CUX1: variants seen among roughly 807,000 people sequenced by gnomAD.
CUX1 encodes cut like homeobox 1, also known as protein CASP.
A neutral mutation model predicts 158.8 loss-of-function variants in CUX1; 31 were observed. The observed-to-expected ratio is 0.20, with a 90% CI of 0.15 to 0.26. CUX1 has a LOEUF of 0.26. Ranked by LOEUF, CUX1 falls within the 10% of genes least tolerant of loss-of-function variation. The probability of loss-of-function intolerance (pLI) is 1.00; values close to 1 mark genes in which losing one functional copy is unlikely to be tolerated. For synonymous variants in CUX1, 879 were observed against 862.1 expected, an observed-to-expected ratio of 1.02 and a Z score of -0.34; for missense variants, 1,589 against 2,014.6, an observed-to-expected ratio of 0.79 and a Z score of 4.04.
rs181327594 is a variant in CUX1 at position 102,049,152 on chromosome 7, G to A, written c.189+21007G>A. Among the ~76,000 whole-genome samples the A allele has an allele frequency of 3.8e-3, 584 of 152,296 alleles. 2 individuals are homozygous for A. The highest frequency in any genetic ancestry group is 5.6e-3 in the Non-Finnish European group (384 of 68,032). On this transcript the variant is annotated intron_variant, in intron 3 of 23. Coordinates refer to ENST00000292535, the MANE Select transcript of CUX1 (RefSeq NM_181552.4). ...ACACAGTACTGGGGGCAGGAGCTGG[G>A]AAAGGCCTGCCATGGTTCACTGATA...
rs367952886 is a variant in CUX1, at chr7:102,099,737, G to A, written c.406+2236G>A. On this transcript the variant is annotated intron_variant, in intron 5 of 23. Coordinates refer to ENST00000292535, the MANE Select transcript of CUX1 (RefSeq NM_181552.4). ...TACCACCGTGCCCAGCCTCTTTCTG[G>A]CTTATTTTATTTTTTTGAGTTTGCT... Among the ~76,000 whole-genome samples, 34 of 152,008 alleles carry A rather than the reference G, an allele frequency of 2.2e-4. No individual in the cohort carries two copies. In the East Asian group the frequency reaches 2.5e-3, roughly 11 times the overall value.
At chr7:101,938,258 G>A (rs978953256) in intron 2 of CUX1, among the ~76,000 whole-genome samples, 2 of 151,940 alleles carry the variant, frequency 1.3e-5, no homozygotes, top group African/African-American at 2.4e-5. Context: ...GACCACAGGC[G>A]TGTGCCACCA....
chr7:101,967,528 G>T (rs557761788), intron 2 of CUX1, among the ~76,000 whole-genome samples: 1 of 152,126 alleles, frequency 6.6e-6, no homozygotes, highest in African/African-American at 2.4e-5. Context: ...AAATTCTTTC[G>T]CAAATAATGG....
intron 1 of CUX1, among the ~76,000 whole-genome samples, chr7:101,826,195 G>T (rs903388789): frequency 6.7e-6 from 1 of 150,264 alleles, no homozygotes; most frequent in African/African-American, 2.4e-5. Context: ...GAATTTTTTT[G>T]TTTTTTTTTG....
chr7:101,843,458 T>G (rs1240357137), intron 1 of CUX1, among the ~76,000 whole-genome samples: 1 of 152,246 alleles, frequency 6.6e-6, no homozygotes, highest in Non-Finnish European at 1.5e-5. Flanking sequence ...GGGTTGAACT[T>G]TCTTCTGCTG....
At chr7:101,876,074 G>A (rs1481369692) in intron 1 of CUX1, among the ~76,000 whole-genome samples, 3 of 152,100 alleles carry the variant, frequency 2.0e-5, no homozygotes, top group African/African-American at 4.8e-5. Flanking sequence ...GGCTGGGTGC[G>A]GTGGCTCACG....
chr7:102,183,858 C>A (rs886075183), intron 11 of CUX1, among the ~76,000 whole-genome samples: 2 of 152,236 alleles, frequency 1.3e-5, no homozygotes, highest in Non-Finnish European at 2.9e-5. Flanking sequence ...GAAGACATGA[C>A]CTTTCCCTGG....
At chr7:101,996,751 C>T (rs1815959585) in intron 2 of CUX1, among the ~76,000 whole-genome samples, 1 of 149,706 alleles carries the variant, frequency 6.7e-6, no homozygotes, top group Non-Finnish European at 1.5e-5. Flanking sequence ...CCTTCATTGA[C>T]CTTTCATTTT....
intron 1 of CUX1, among the ~76,000 whole-genome samples, chr7:101,868,369 G>A (rs1011489887): frequency 2.0e-5 from 3 of 152,130 alleles, no homozygotes; most frequent in African/African-American, 7.2e-5. Flanking sequence ...CCTCATCTTG[G>A]GCCAGCGCCT....
intron 5 of CUX1, among the ~76,000 whole-genome samples, chr7:102,101,932 C>T (rs1477918599): frequency 6.8e-6 from 1 of 146,650 alleles, no homozygotes; most frequent in African/African-American, 2.5e-5. Flanking sequence ...AAAAAAAAGA[C>T]AAAAATGCTG....
intron 8 of CUX1, among the ~76,000 whole-genome samples, chr7:102,129,956 G>A (rs1056717431): frequency 6.6e-6 from 1 of 152,096 alleles, no homozygotes; most frequent in Non-Finnish European, 1.5e-5. Flanking sequence ...CGGGGATTTC[G>A]TTAAAAAACT....
At chr7:102,179,600 C>A (rs1032158782) in intron 11 of CUX1, among the ~76,000 whole-genome samples, 3 of 152,208 alleles carry the variant, frequency 2.0e-5, no homozygotes, top group African/African-American at 7.2e-5. Context: ...AATTTCTATC[C>A]CAGACGCAGA....
At chr7:101,821,787 T>G (rs1562885028) in intron 1 of CUX1, among the ~76,000 whole-genome samples, 1 of 132,744 alleles carries the variant, frequency 7.5e-6, no homozygotes, top group Non-Finnish European at 1.6e-5. Flanking sequence ...CCATTCTCCT[T>G]CCTTAGTCTC....
At chr7:101,922,954 C>T (rs574135139) in intron 2 of CUX1, among the ~76,000 whole-genome samples, 3 of 152,362 alleles carry the variant, frequency 2.0e-5, no homozygotes, top group South Asian at 2.1e-4. Context: ...GCCTAGCTCT[C>T]GCAAACCCCA....
intron 1 of CUX1, among the ~76,000 whole-genome samples, chr7:101,821,664 CTTTTTTCTTTTTTTTTTTT>C (rs1562884521): frequency 7.0e-5 from 5 of 71,030 alleles, no homozygotes; most frequent in Non-Finnish European, 1.4e-4. Context: ...TTCTTTTTTT[CTTTTTTCTTTTTTTTTTTT>C]TTTTTTTTTT....
chr7:102,050,523 G>T (rs946523842), intron 3 of CUX1, among the ~76,000 whole-genome samples: 3 of 152,048 alleles, frequency 2.0e-5, no homozygotes, highest in African/African-American at 4.8e-5. Flanking sequence ...AGGCCTCCCT[G>T]GGGCTCCCAC....
intron 2 of CUX1, among the ~76,000 whole-genome samples, chr7:102,017,223 G>C (rs1027858636): frequency 2.8e-4 from 43 of 151,010 alleles, no homozygotes; most frequent in African/African-American, 1.0e-3. Flanking sequence ...CCTGGGAGGC[G>C]GAGGTTGCAG....
chr7:101,848,051 C>CAAAAAAAAAAAAAAAGAAAA (rs1795879580), intron 1 of CUX1, among the ~76,000 whole-genome samples: 1 of 65,378 alleles, frequency 1.5e-5, no homozygotes, highest in African/African-American at 6.6e-5. Context: ...GAGCAAGACT[C>CAAAAAAAAAAAAAAAGAAAA]AAAAAAAAAA....
intron 2 of CUX1, among the ~76,000 whole-genome samples, chr7:101,918,970 G>A (rs569898566): frequency 2.6e-5 from 4 of 152,286 alleles, no homozygotes; most frequent in African/African-American, 9.6e-5. Context: ...ATTTTTAGTA[G>A]ATTTCACTAT....
Sources: gnomAD v4.1 joint callset for allele counts (sites outside exome capture counted in the v4.1 genomes callset) on GRCh38, gnomAD v4.1.1 for gene constraint, MANE v1.5 for transcripts, NCBI Gene and HGNC (gene_info 2026-07-23, HGNC 2026-07-21) for gene names.